The following NSMCE2 variants were observed in gnomAD, a reference collection of about 807,000 sequenced individuals.
The protein encoded by NSMCE2 is E3 SUMO-protein ligase NSE2.
NSMCE2 carries 24 observed loss-of-function variants against 23.8 expected under a neutral mutation model. That is an observed-to-expected ratio of 1.01 (90% confidence interval 0.73 to 1.42). NSMCE2 has a LOEUF of 1.42. Among genes scored for constraint, NSMCE2 ranks in the 40% most tolerant of loss-of-function variants. NSMCE2 has a pLI of 0.00. For synonymous variants in NSMCE2, 92 were observed against 94.1 expected (o/e 0.98, Z 0.13); for missense variants, 284 against 296.5 (o/e 0.96, Z 0.31).
At chr8:125,352,958 T>A (rs1169084823) in intron 5 of NSMCE2, among the ~76,000 whole-genome samples, 1 of 152,222 alleles carries the variant, frequency 6.6e-6, no homozygotes, top group East Asian at 1.9e-4. Context: ...TCTTACTCAC[T>A]CGTGACATTC....
chr8:125,263,557 G>A (rs1265537158), intron 5 of NSMCE2, among the ~76,000 whole-genome samples: 3 of 151,934 alleles, frequency 2.0e-5, no homozygotes, highest in Non-Finnish European at 4.4e-5. Context: ...TGAGACCAGC[G>A]TTGCCAACAT....
chr8:125,319,738 T>G (rs967605263), intron 5 of NSMCE2, among the ~76,000 whole-genome samples: 2 of 151,992 alleles, frequency 1.3e-5, no homozygotes, highest in African/African-American at 4.8e-5. Context: ...CTTAAAAAAA[T>G]GAACAGGGCA....
chr8:125,206,086 A>G (rs1367680932), intron 5 of NSMCE2, among the ~76,000 whole-genome samples: 5 of 152,202 alleles, frequency 3.3e-5, no homozygotes, highest in Non-Finnish European at 7.3e-5. Flanking sequence ...TGTTCAGAAA[A>G]TGTTTTATCA....
intron 3 of NSMCE2, among the ~76,000 whole-genome samples, chr8:125,124,470 TTCTCTCTCTC>T (rs376240525): frequency 6.8e-6 from 1 of 146,232 alleles, no homozygotes; most frequent in Non-Finnish European, 1.5e-5. Context: ...TCCTCAGGAT[TTCTCTCTCTC>T]TCTCTCTCTC....
chr8:125,120,682 A>G (rs1819223536), intron 3 of NSMCE2, among the ~76,000 whole-genome samples: 1 of 152,166 alleles, frequency 6.6e-6, no homozygotes, highest in African/African-American at 2.4e-5. Flanking sequence ...TGGAAATGCT[A>G]ATTTGCTTGT....
intron 5 of NSMCE2, among the ~76,000 whole-genome samples, chr8:125,251,802 A>T (rs1007336391): frequency 1.3e-5 from 2 of 152,216 alleles, no homozygotes; most frequent in Admixed American, 6.5e-5. Context: ...TCATTTGCTC[A>T]AGGTCTTACA....
At chr8:125,335,823 G>T (rs1830049585) in intron 5 of NSMCE2, among the ~76,000 whole-genome samples, 1 of 152,180 alleles carries the variant, frequency 6.6e-6, no homozygotes, top group African/African-American at 2.4e-5. Context: ...TAAGAACTAG[G>T]CATTGCTCAA....
At chr8:125,247,710 G>A (rs1319761488) in intron 5 of NSMCE2, among the ~76,000 whole-genome samples, 3 of 141,208 alleles carry the variant, frequency 2.1e-5, no homozygotes, top group South Asian at 2.3e-4. Context: ...GACAACAAGA[G>A]CAAAATTCTG....
At chr8:125,257,145 G>A (rs367770400) in intron 5 of NSMCE2, among the ~76,000 whole-genome samples, 43 of 151,510 alleles carry the variant, frequency 2.8e-4, no homozygotes, top group Non-Finnish European at 5.0e-4. Flanking sequence ...TTAGTCAGGC[G>A]TGGTGGCACG....
intron 5 of NSMCE2, among the ~76,000 whole-genome samples, chr8:125,226,320 G>C (rs1033718612): frequency 6.6e-6 from 1 of 152,214 alleles, no homozygotes; most frequent in Non-Finnish European, 1.5e-5. Context: ...AGGAAAGGAA[G>C]GTGACCGTAC....
At chr8:125,156,039 G>A (rs1313617738) in intron 4 of NSMCE2, 1 of 441,488 alleles carries the variant, frequency 2.3e-6, no homozygotes, top group East Asian at 7.5e-5. Context: ...CAGCTACTTG[G>A]GAGGCTGAAG....
intron 5 of NSMCE2, among the ~76,000 whole-genome samples, chr8:125,292,842 T>G (rs1372580897): frequency 6.6e-6 from 1 of 152,198 alleles, no homozygotes; most frequent in African/African-American, 2.4e-5. Flanking sequence ...AGCACAACTA[T>G]GAGTTGCCCA....
At chr8:125,137,035 T>C (rs1226241749) in intron 3 of NSMCE2, among the ~76,000 whole-genome samples, 2 of 152,130 alleles carry the variant, frequency 1.3e-5, no homozygotes, top group Admixed American at 1.3e-4. Flanking sequence ...GTGGTGTCAG[T>C]GATTTAAATT....
intron 3 of NSMCE2, among the ~76,000 whole-genome samples, chr8:125,116,885 CTTTT>C (rs35636109): frequency 1.5e-5 from 2 of 129,532 alleles, no homozygotes; most frequent in African/African-American, 2.9e-5. Context: ...AAGCATATAA[CTTTT>C]TTTTTTTTTT....
intron 4 of NSMCE2, among the ~76,000 whole-genome samples, chr8:125,157,567 G>A (rs748593816): frequency 7.2e-5 from 11 of 152,068 alleles, no homozygotes; most frequent in Admixed American, 3.3e-4. Flanking sequence ...GGTTGTGTTC[G>A]GTAACATTTT....
chr8:125,352,324 A>G (rs985278527), intron 5 of NSMCE2, among the ~76,000 whole-genome samples: 7 of 152,006 alleles, frequency 4.6e-5, no homozygotes, highest in African/African-American at 1.7e-4. Flanking sequence ...CTAAAAATAC[A>G]AAATTAGCCG....
At position 125,151,618 on chromosome 8, in the gene NSMCE2, C is replaced by G. The variant is rs7839693; in HGVS notation, c.264+341C>G. Among the ~76,000 whole-genome samples the G allele has an allele frequency of 3.2e-3, 489 of 152,282 alleles. 1 individual carries two copies. Among genetic ancestry groups the G allele is most frequent in the African/African-American group, 0.011 (460 of 41,556 alleles). On this transcript the variant is annotated intron_variant, in intron 4 of 7. Transcript: ENST00000287437. ...TTATTGTTCTATTTGCTTAAACATACAATTGAGACCAGGTTTAGTTACTCA... is the reference window on the plus strand; with the variant it reads ...TTATTGTTCTATTTGCTTAAACATAGAATTGAGACCAGGTTTAGTTACTCA...
At chr8:125,263,165 A>G (rs962772789) in intron 5 of NSMCE2, among the ~76,000 whole-genome samples, 3 of 152,234 alleles carry the variant, frequency 2.0e-5, no homozygotes, top group Admixed American at 6.5e-5. Context: ...GGGAGCAGAG[A>G]GAGAGATAAG....
At chr8:125,199,544 TTTG>T (rs1184361098) in intron 5 of NSMCE2, among the ~76,000 whole-genome samples, 3 of 150,934 alleles carry the variant, frequency 2.0e-5, no homozygotes, top group Non-Finnish European at 4.5e-5. Context: ...GGTCTGAGAG[TTTG>T]TTGTGATTTC....
Sources: gnomAD v4.1 joint callset for allele counts (sites outside exome capture counted in the v4.1 genomes callset) on GRCh38, gnomAD v4.1.1 for gene constraint, MANE v1.5 for transcripts, NCBI Gene and HGNC (gene_info 2026-07-23, HGNC 2026-07-21) for gene names.